ASTN2: variants seen among roughly 807,000 people sequenced by gnomAD.
The protein encoded by ASTN2 is astrotactin-2.
A neutral mutation model predicts 139.8 loss-of-function variants in ASTN2; 54 were observed. That is an observed-to-expected ratio of 0.39 (90% CI 0.31 to 0.48). ASTN2 has a LOEUF of 0.48. Among genes scored for constraint, ASTN2 ranks in the 20% least tolerant of loss-of-function variants. The pLI is 0.95. For synonymous variants in ASTN2, 756 were observed against 719.5 expected, an observed-to-expected ratio of 1.05 and a Z score of -0.81; for missense variants, 1,565 against 1,725.1, an observed-to-expected ratio of 0.91 and a Z score of 1.64.
intron 20 of ASTN2, among the ~76,000 whole-genome samples, chr9:116,465,378 A>G (rs994100782): frequency 3.3e-5 from 5 of 152,190 alleles, no homozygotes; most frequent in African/African-American, 4.8e-5. Flanking sequence ...CTGGCTGGGT[A>G]CGGTTGGGGC....
intron 16 of ASTN2, among the ~76,000 whole-genome samples, chr9:116,706,558 G>A (rs373270723): frequency 1.3e-5 from 2 of 152,054 alleles, no homozygotes; most frequent in South Asian, 2.1e-4. Flanking sequence ...CCTCGTGTGA[G>A]TGATAAACCT....
chr9:116,483,562 T>C (rs1169312239), intron 20 of ASTN2, among the ~76,000 whole-genome samples: 1 of 151,166 alleles, frequency 6.6e-6, no homozygotes, highest in Non-Finnish European at 1.5e-5. Flanking sequence ...AAATAATGAA[T>C]AAAAAGACAA....
At chr9:117,210,856 A>T (rs73533168) in intron 3 of ASTN2, among the ~76,000 whole-genome samples, 2,710 of 152,200 alleles carry the variant, frequency 0.018, 71 homozygotes, top group African/African-American at 0.062. Flanking sequence ...ATACACCATG[A>T]TCAAGTGGTA....
At chr9:117,163,061 C>T (rs1830589052) in intron 3 of ASTN2, among the ~76,000 whole-genome samples, 1 of 150,832 alleles carries the variant, frequency 6.6e-6, no homozygotes, top group Admixed American at 6.6e-5. Context: ...TCCTGCTCCT[C>T]ATACCTTTCT....
At chr9:117,294,371 C>T (rs552918788) in intron 1 of ASTN2, among the ~76,000 whole-genome samples, 3 of 152,294 alleles carry the variant, frequency 2.0e-5, no homozygotes, top group East Asian at 3.9e-4. Flanking sequence ...AGAATAACTC[C>T]GGACTTACTT....
intron 19 of ASTN2, among the ~76,000 whole-genome samples, chr9:116,561,517 T>C (rs1221687693): frequency 1.3e-5 from 2 of 152,076 alleles, no homozygotes; most frequent in Non-Finnish European, 2.9e-5. Context: ...ACAAAGGAAT[T>C]ACACAAATTT....
Position 116,699,060 on chromosome 9 carries a change from G to GGGCT in ASTN2, c.2806+26707_2806+26710dup. The GGGCT allele has an allele frequency of 6.2e-7, 1 of 1,614,172 alleles. No homozygotes were observed. On this transcript the variant is annotated intron_variant, in intron 16 of 22. Transcript: ENST00000313400. The surrounding 1 kb of genome is among the most constrained non-coding windows in gnomAD (Gnocchi z 4.2). Reference sequence around the variant, plus strand: ...TCTCTCAGTGGCAATGAACTGCCAGGGGCTGATTGGTGTGACTGACAGCTA... The same window carrying GGGCT: ...TCTCTCAGTGGCAATGAACTGCCAGGGGCTGGCTGATTGGTGTGACTGACAGCTA...
chr9:117,098,964 C>T (rs556819043), intron 4 of ASTN2, among the ~76,000 whole-genome samples: 25 of 151,722 alleles, frequency 1.6e-4, no homozygotes, highest in Non-Finnish European at 2.4e-4. Flanking sequence ...AAAAATTAGC[C>T]GGGTGTGGCA....
chr9:117,139,069 C>T (rs1830015170), intron 4 of ASTN2, among the ~76,000 whole-genome samples: 1 of 152,090 alleles, frequency 6.6e-6, no homozygotes, highest in Non-Finnish European at 1.5e-5. Flanking sequence ...AGGCTATAGA[C>T]TTGGAGTCAA....
intron 19 of ASTN2, among the ~76,000 whole-genome samples, chr9:116,491,936 A>C (rs1849528678): frequency 6.6e-6 from 1 of 152,166 alleles, no homozygotes; most frequent in South Asian, 2.1e-4. Context: ...CAAGCTCCTT[A>C]ACTCTGTACA....
chr9:117,216,662 G>A (rs1038166368), intron 2 of ASTN2, among the ~76,000 whole-genome samples: 1 of 152,140 alleles, frequency 6.6e-6, no homozygotes, highest in South Asian at 2.1e-4. Context: ...ACATATGATA[G>A]TGATTGCTTT....
At chr9:117,242,871 G>A (rs1833256765) in intron 2 of ASTN2, among the ~76,000 whole-genome samples, 1 of 152,196 alleles carries the variant, frequency 6.6e-6, no homozygotes, top group Admixed American at 6.5e-5. Flanking sequence ...CCCTCTGTGT[G>A]GTTCTGCAGG....
At chr9:116,729,153 A>G (rs1345538375) in intron 14 of ASTN2, 57 bp from the exon 15 acceptor site, 1 of 1,307,044 alleles carries the variant, frequency 7.7e-7, no homozygotes, top group Non-Finnish European at 1.1e-6. Context: ...TTCACACCAC[A>G]TTGTTCACCC....
intron 5 of ASTN2, among the ~76,000 whole-genome samples, chr9:117,078,843 C>G (rs923794849): frequency 6.6e-6 from 1 of 152,186 alleles, no homozygotes; most frequent in Non-Finnish European, 1.5e-5. Flanking sequence ...TCAAGTGATT[C>G]TCCTGCCTCG....
chr9:116,946,125 A>T (rs1236745910), intron 10 of ASTN2, among the ~76,000 whole-genome samples: 2 of 152,214 alleles, frequency 1.3e-5, no homozygotes, highest in Non-Finnish European at 2.9e-5. Context: ...CTCATGATTC[A>T]GTCACCTTCC....
intron 13 of ASTN2, among the ~76,000 whole-genome samples, chr9:116,794,224 G>A (rs944988633): frequency 2.0e-5 from 3 of 149,170 alleles, no homozygotes; most frequent in East Asian, 2.0e-4. Flanking sequence ...CAGCCTTCCC[G>A]AGTAGCTGGG....
chr9:117,351,221 G>A (rs930307392), intron 1 of ASTN2, among the ~76,000 whole-genome samples: 8 of 152,068 alleles, frequency 5.3e-5, no homozygotes, highest in South Asian at 4.2e-4. Flanking sequence ...AAGAGAATAC[G>A]GCAATCCCAG....
chr9:116,727,210 C>T (rs139730558), intron 15 of ASTN2, among the ~76,000 whole-genome samples: 2 of 152,230 alleles, frequency 1.3e-5, no homozygotes, highest in Non-Finnish European at 2.9e-5. Context: ...GGAAGCTCTA[C>T]CTTATTTGTC....
intron 19 of ASTN2, among the ~76,000 whole-genome samples, chr9:116,519,924 T>C (rs62574372): frequency 0.17 from 25,429 of 151,992 alleles, 2,380 homozygotes; most frequent in African/African-American, 0.24. Flanking sequence ...GATAAATTCC[T>C]AGAAATATAC....
Sources: gnomAD v4.1 joint callset for allele counts (sites outside exome capture counted in the v4.1 genomes callset) on GRCh38, gnomAD v4.1.1 for gene constraint, Gnocchi (gnomAD v3.1) non-coding constraint, MANE v1.5 for transcripts, NCBI Gene and HGNC (gene_info 2026-07-23, HGNC 2026-07-21) for gene names.